STX16: variants seen among roughly 807,000 people sequenced by gnomAD.
STX16 encodes syntaxin-16.
In STX16, 28 loss-of-function variants were observed where a neutral mutation model predicts 42.7. The observed-to-expected ratio is 0.66, with a 90% CI of 0.49 to 0.90. The LOEUF (loss-of-function observed/expected upper bound fraction) is 0.90. STX16 is among the 40% of genes least tolerant of loss of function. The pLI is 0.00. For synonymous variants in STX16, 156 were observed against 155.2 expected (o/e 1.00, Z -0.04); for missense variants, 361 against 420.9 (o/e 0.86, Z 1.24).
chr20:58,661,288 C>T (rs145482321), intron 2 of STX16, among the ~76,000 whole-genome samples: 10 of 152,340 alleles, frequency 6.6e-5, no homozygotes, highest in Non-Finnish European at 1.3e-4. Flanking sequence ...CTGTCTGAAC[C>T]GATTTCCAGT....
chr20:58,670,983 A>G (rs1297865862), intron 6 of STX16, among the ~76,000 whole-genome samples, 171 bp from the exon 7 acceptor site: 2 of 152,214 alleles, frequency 1.3e-5, no homozygotes, highest in Admixed American at 6.5e-5. Context: ...GGGAATTTGA[A>G]TCTTTCCTGT....
intron 4 of STX16, among the ~76,000 whole-genome samples, chr20:58,668,807 TATATG>T (rs1244858254): frequency 6.6e-6 from 1 of 152,048 alleles, no homozygotes; most frequent in Admixed American, 6.6e-5. Flanking sequence ...AATAATATGA[TATATG>T]ATAATACAGG....
At position 58,652,202 on chromosome 20, in the gene STX16, T is replaced by G. The variant is rs1473950735; in HGVS notation, c.132+64T>G. On this transcript the variant is annotated intron_variant, in intron 1 of 8. Transcript: ENST00000371141. The stretch of plus-strand genomic sequence containing the variant: ...TGCACTGCGGCTCTGCCTGTTTGTC[T>G]GTCTCTGTCTGTCTCTCTGTTTAAA... 8 of 1,587,370 alleles carry G rather than the reference T, an allele frequency of 5.0e-6. No homozygotes were observed. In the African/African-American group the frequency reaches 9.4e-5, roughly 19 times the overall value.
rs2123034262 is a variant in STX16 at position 58,676,869 on chromosome 20, A to G, written c.*578A>G. 1 of 152,778 alleles carries G rather than the reference A, an allele frequency of 6.5e-6. No homozygotes were observed. The highest frequency in any genetic ancestry group is 1.9e-4 in the East Asian group (1 of 5,192). The allele number at this position is 152,778 out of a possible 1,614,324, so 9.5% of individuals were successfully genotyped here. A position where few individuals can be genotyped will look rare whatever the true frequency, so the allele number is the denominator to read the frequency against. On this transcript the variant is annotated 3_prime_UTR_variant, in exon 9 of 9. Transcript: ENST00000371141. ...TAATTTAGCTTTTCCATCACTGTTAATGATCAGAGTAACAAAGTGTGAAAA... is the reference window on the plus strand; with the variant it reads ...TAATTTAGCTTTTCCATCACTGTTAGTGATCAGAGTAACAAAGTGTGAAAA...
At position 58,679,240 on chromosome 20, in the gene STX16, C is replaced by G. The variant is rs368447030; in HGVS notation, c.*2949C>G. On this transcript the variant is annotated 3_prime_UTR_variant, in exon 9 of 9. Coordinates refer to ENST00000371141, the MANE Select transcript of STX16 (RefSeq NM_001001433.3). ...TTTAACGGATTCACTGTTTTCTCTG[C>G]TAATTGAGAGAGCGTTATTTACATT... 7 of 152,670 alleles carry G rather than the reference C, an allele frequency of 4.6e-5. No homozygotes were observed. In the South Asian group the frequency reaches 1.2e-3, roughly 27 times the overall value. 9.5% of individuals were successfully genotyped at this position (152,670 alleles called of 1,614,324 possible).
chr20:58,652,423 T>C (rs2083487900), intron 1 of STX16: 1 of 482,160 alleles, frequency 2.1e-6, no homozygotes, highest in Admixed American at 3.0e-5. Flanking sequence ...AGGCCGCCTG[T>C]AATTTACATA....
chr20:58,672,345 T>C (rs1023605397), intron 7 of STX16, among the ~76,000 whole-genome samples: 1 of 151,824 alleles, frequency 6.6e-6, no homozygotes, highest in African/African-American at 2.4e-5. Context: ...AAAATATATA[T>C]ATATATATTG....
chr20:58,669,149 A>G, intron 4 of STX16, 142 bp from the exon 5 acceptor site: 1 of 825,378 alleles, frequency 1.2e-6, no homozygotes, highest in Non-Finnish European at 1.8e-6. Flanking sequence ...GAAGCCACAG[A>G]TTCCTTTTAT....
rs1601052947 is a variant in STX16 at position 58,673,803 on chromosome 20, C to A, written c.873+92C>A. ...GGTTCTTTTCCACCATAACGATCTT[C>A]AGCATTCTTGTGTTGTCCACTCTCA... On this transcript the variant is annotated intron_variant, in intron 8 of 8. Transcript: ENST00000371141. 3.2e-6 allele frequency: 3 copies of A among 934,918 alleles called. No individual in the cohort carries two copies. The East Asian group carries it at 7.8e-5, about 24-fold the overall frequency. 57.9% of individuals were successfully genotyped at this position (934,918 alleles called of 1,614,324 possible).
Position 58,676,194 on chromosome 20 carries a change from A to G in STX16, c.881A>G (p.Gln294Arg), listed in dbSNP as rs765700573. 1.2e-6 allele frequency: 2 copies of G among 1,613,704 alleles called. No individual in the cohort carries two copies. ...DGLKQLHKAE[Q>R]YQKKNRKMLV... ...TCCCTCCTCTTTTTGTAGGCAGAAC[A>G]GTATCAAAAGAAGAATCGGAAGATG... The change falls in exon 9 of 9, where the codon CAG (glutamine) becomes CGG (arginine). Residue 294 changes from glutamine (Q) to arginine (R), a missense_variant. Gln to Arg is a conservative substitution (Grantham distance 43). Coordinates refer to ENST00000371141, the MANE Select transcript of STX16 (RefSeq NM_001001433.3).
chr20:58,671,207 A>G lies in STX16; in HGVS notation c.702A>G (p.Glu234=). ...VLVEQNTLMV[E]EREREIRQIV... is the part of the protein sequence containing the mutation. ...TGGAGCAGAACACACTGATGGTGGA[A>G]GAGCGGGAACGAGAGATTCGCCAGA... Residue 234 remains glutamate (E), a synonymous_variant, in exon 7 of 9, where the codon GAA becomes GAG. Transcript: ENST00000371141. 6.2e-7 allele frequency: 1 copy of G among 1,614,176 alleles called. No individual in the cohort carries two copies. Among genetic ancestry groups the G allele is most frequent in the Non-Finnish European group, 8.5e-7 (1 of 1,180,028 alleles).
At chr20:58,668,173 T>C in intron 4 of STX16, 46 bp downstream of exon 4, 2 of 1,608,064 alleles carry the variant, frequency 1.2e-6, no homozygotes, top group Admixed American at 1.7e-5. Context: ...AGCCTTCTCA[T>C]GGCAATCTCA....
chr20:58,660,416 T>C (rs1407211095), intron 2 of STX16, among the ~76,000 whole-genome samples: 1 of 152,168 alleles, frequency 6.6e-6, no homozygotes, highest in Non-Finnish European at 1.5e-5. Flanking sequence ...GAAGTATGAA[T>C]AGTAAAGTAG....
chr20:58,663,824 C>T (rs1327109097), intron 2 of STX16, among the ~76,000 whole-genome samples: 1 of 152,140 alleles, frequency 6.6e-6, no homozygotes, highest in Admixed American at 6.5e-5. Context: ...ATTACAGGTG[C>T]ATGCCACCAT....
At position 58,678,878 on chromosome 20, in the gene STX16, C is replaced by G. The variant is rs967245378; in HGVS notation, c.*2587C>G. Reference sequence around the variant, plus strand: ...CGCTGGCAGCCATTGTCTGTGGGCACCTCATGTTTTTCCACACTCTACTGG... The same window carrying G: ...CGCTGGCAGCCATTGTCTGTGGGCAGCTCATGTTTTTCCACACTCTACTGG... On this transcript the variant is annotated 3_prime_UTR_variant, in exon 9 of 9. Coordinates refer to ENST00000371141, the MANE Select transcript of STX16 (RefSeq NM_001001433.3). 2 of 152,260 alleles carry G rather than the reference C, an allele frequency of 1.3e-5. No homozygotes were observed. The highest frequency in any genetic ancestry group is 2.9e-5 in the Non-Finnish European group (2 of 68,094). The allele number at this position is 152,260 out of a possible 1,614,324, so 9.4% of individuals were successfully genotyped here.
At position 58,678,528 on chromosome 20, in the gene STX16, T is replaced by C. The variant is rs1248389062; in HGVS notation, c.*2237T>C. ...GGTGGGACACGCCTGTAATCCCAGCTACTCAAGAGGCTGAGGCAGGAGAAT... is the reference window on the plus strand; with the variant it reads ...GGTGGGACACGCCTGTAATCCCAGCCACTCAAGAGGCTGAGGCAGGAGAAT... On this transcript the variant is annotated 3_prime_UTR_variant, in exon 9 of 9. Transcript: ENST00000371141. The C allele has an allele frequency of 6.6e-6, 1 of 151,216 alleles. No homozygotes were observed. The highest frequency in any genetic ancestry group is 2.4e-5 in the African/African-American group (1 of 41,032). The allele number at this position is 151,216 out of a possible 1,614,324, so 9.4% of individuals were successfully genotyped here.
At position 58,667,485 on chromosome 20, in the gene STX16, T is replaced by G; in HGVS notation, c.145-5T>G. 1 of 1,613,730 alleles carries G rather than the reference T, an allele frequency of 6.2e-7. No individual in the cohort carries two copies. Among genetic ancestry groups the G allele is most frequent in the East Asian group, 2.2e-5 (1 of 44,872 alleles). ...TTTTTTTCATGTCCCTTTACTTTCC[T>G]GTAGCTTGCTGATGACCGTATGGCA... On this transcript the variant is annotated splice_region_variant and splice_polypyrimidine_tract_variant and intron_variant, in intron 2 of 8. Coordinates refer to ENST00000371141, the MANE Select transcript of STX16 (RefSeq NM_001001433.3).
At chr20:58,663,202 G>T (rs1435240133) in intron 2 of STX16, among the ~76,000 whole-genome samples, 1 of 152,186 alleles carries the variant, frequency 6.6e-6, no homozygotes, top group Non-Finnish European at 1.5e-5. Flanking sequence ...TGGGGAGGAG[G>T]TGTAGCTGAC....
intron 2 of STX16, among the ~76,000 whole-genome samples, chr20:58,665,821 C>T (rs538501298): frequency 3.3e-5 from 5 of 152,184 alleles, no homozygotes; most frequent in Non-Finnish European, 7.3e-5. Flanking sequence ...TGAATGGGGC[C>T]TAGTCCTTCC....
Sources: allele counts gnomAD v4.1 joint callset (sites outside exome capture counted in the v4.1 genomes callset), GRCh38; gene constraint gnomAD v4.1.1; transcripts MANE v1.5; gene names NCBI Gene and HGNC (gene_info 2026-07-23, HGNC 2026-07-21).